The following SLC4A10 variants were observed in gnomAD, a reference collection of about 807,000 sequenced individuals.
The protein encoded by SLC4A10 is solute carrier family 4 member 10.
SLC4A10 carries 42 observed loss-of-function variants against 137.7 expected under a neutral mutation model. That is an observed-to-expected ratio of 0.30 (90% CI 0.24 to 0.39). The LOEUF is 0.39. SLC4A10 is among the 10% of genes least tolerant of loss of function. The probability of loss-of-function intolerance (pLI) is 1.00; values close to 1 mark genes in which losing one functional copy is unlikely to be tolerated. For missense variants in SLC4A10, 925 were observed against 1,355.0 expected (o/e 0.68, Z 4.98); for synonymous variants, 474 against 464.1 (o/e 1.02, Z -0.27).
chr2:161,872,226 A>G (rs897734233), intron 6 of SLC4A10, 67 bp from the exon 7 acceptor site: 13 of 1,232,152 alleles, frequency 1.1e-5, no homozygotes, highest in Admixed American at 1.8e-5. Flanking sequence ...TGAAGTGCCT[A>G]TTTCACTCAG....
intron 26 of SLC4A10, among the ~76,000 whole-genome samples, chr2:161,978,848 T>G (rs1288391350): frequency 6.6e-6 from 1 of 152,218 alleles, no homozygotes; most frequent in Non-Finnish European, 1.5e-5. Context: ...TTCATGTATT[T>G]CTTTGCTTGG....
At chr2:161,862,399 C>T (rs2060481454) in intron 5 of SLC4A10, among the ~76,000 whole-genome samples, 1 of 151,964 alleles carries the variant, frequency 6.6e-6, no homozygotes, top group South Asian at 2.1e-4. Flanking sequence ...GGAAATTAGT[C>T]TGTACTAGAA....
intron 15 of SLC4A10, among the ~76,000 whole-genome samples, chr2:161,924,792 AAC>A (rs2105537414): frequency 6.6e-6 from 1 of 152,328 alleles, no homozygotes; most frequent in Non-Finnish European, 1.5e-5. Flanking sequence ...GGAATGGAGT[AAC>A]ACATGCCATT....
chr2:161,713,450 A>G (rs574999436), intron 1 of SLC4A10, among the ~76,000 whole-genome samples: 206 of 151,906 alleles, frequency 1.4e-3, no homozygotes, highest in African/African-American at 3.9e-3. Flanking sequence ...ATTTTCTATC[A>G]AAATTGCACA....
intron 1 of SLC4A10, among the ~76,000 whole-genome samples, chr2:161,685,212 A>G (rs2041253780): frequency 6.6e-6 from 1 of 152,164 alleles, no homozygotes; most frequent in Non-Finnish European, 1.5e-5. Flanking sequence ...AGCTGCTACC[A>G]TTTATTATTT....
intron 1 of SLC4A10, among the ~76,000 whole-genome samples, chr2:161,720,318 T>A (rs2045500709): frequency 6.6e-6 from 1 of 152,220 alleles, no homozygotes; most frequent in African/African-American, 2.4e-5. Flanking sequence ...TAGTTTGAAG[T>A]CAGGTAGCGT....
chr2:161,828,053 G>A (rs1465756725), intron 3 of SLC4A10, among the ~76,000 whole-genome samples: 2 of 152,114 alleles, frequency 1.3e-5, no homozygotes, highest in Non-Finnish European at 2.9e-5. Context: ...TTGGTCCCCA[G>A]CTCTCCAGTG....
Position 161,643,301 on chromosome 2 carries a change from C to T in SLC4A10, c.48+18735C>T, listed in dbSNP as rs188299367. ...GCCAAAAGGGTTTTACTTTTTATTGCTGCAGTTTGGATATTAGCATTTGAA... is the reference window on the plus strand; with the variant it reads ...GCCAAAAGGGTTTTACTTTTTATTGTTGCAGTTTGGATATTAGCATTTGAA... On this transcript the variant is annotated intron_variant, in intron 1 of 26. Coordinates refer to ENST00000446997, the MANE Select transcript of SLC4A10 (RefSeq NM_001178015.2). 5.3e-5 allele frequency among the ~76,000 whole-genome samples: 8 copies of T among 152,160 alleles called. No homozygotes were observed. In the East Asian group the frequency reaches 9.6e-4, roughly 18 times the overall value.
At chr2:161,883,967 G>A (rs1342527493) in intron 10 of SLC4A10, among the ~76,000 whole-genome samples, 2 of 152,028 alleles carry the variant, frequency 1.3e-5, no homozygotes, top group East Asian at 1.9e-4. Context: ...CACATTCTGC[G>A]GCTCCAGGTT....
At chr2:161,937,400 A>G (rs1244633762) in intron 15 of SLC4A10, among the ~76,000 whole-genome samples, 1 of 151,606 alleles carries the variant, frequency 6.6e-6, no homozygotes, top group Non-Finnish European at 1.5e-5. Context: ...CTCTTCCTCC[A>G]CCCCTTCTGT....
At chr2:161,771,523 G>A (rs753639840) in intron 2 of SLC4A10, among the ~76,000 whole-genome samples, 9 of 151,748 alleles carry the variant, frequency 5.9e-5, no homozygotes, top group African/African-American at 7.3e-5. Context: ...AGTATGGCCC[G>A]GTGGTTAACT....
chr2:161,885,567 C>A (rs886860262), intron 10 of SLC4A10, among the ~76,000 whole-genome samples: 1 of 152,152 alleles, frequency 6.6e-6, no homozygotes, highest in Non-Finnish European at 1.5e-5. Flanking sequence ...TTCTAGACAT[C>A]ATACCAATAT....
chr2:161,968,093 A>G (rs901319432), intron 23 of SLC4A10, among the ~76,000 whole-genome samples: 2 of 152,148 alleles, frequency 1.3e-5, no homozygotes, highest in African/African-American at 4.8e-5. Context: ...ATGAAAAATG[A>G]TATGTAATCT....
intron 15 of SLC4A10, among the ~76,000 whole-genome samples, chr2:161,910,422 G>A (rs956621005): frequency 2.0e-5 from 3 of 152,012 alleles, no homozygotes; most frequent in African/African-American, 4.8e-5. Flanking sequence ...ACAAGTTTAT[G>A]GGAATAATCT....
At chr2:161,855,235 C>T (rs936358848) in intron 5 of SLC4A10, 105 bp downstream of exon 5, 21 of 1,069,564 alleles carry the variant, frequency 2.0e-5, no homozygotes, top group Non-Finnish European at 2.8e-5. Context: ...AACTAATTCT[C>T]ATAATCACTG....
At chr2:161,730,636 G>T (rs965321173) in intron 1 of SLC4A10, among the ~76,000 whole-genome samples, 1 of 152,192 alleles carries the variant, frequency 6.6e-6, no homozygotes, top group Non-Finnish European at 1.5e-5. Flanking sequence ...TCAAACAAAG[G>T]TTAGTTAGGT....
chr2:161,979,938 A>G (rs1035749470), intron 26 of SLC4A10, among the ~76,000 whole-genome samples: 30 of 152,310 alleles, frequency 2.0e-4, no homozygotes, highest in African/African-American at 6.7e-4. Context: ...AAAATATTTT[A>G]TCTCGTTTAA....
intron 10 of SLC4A10, among the ~76,000 whole-genome samples, chr2:161,887,889 T>A (rs1371330022): frequency 2.6e-5 from 4 of 152,260 alleles, no homozygotes; most frequent in Admixed American, 2.0e-4. Flanking sequence ...TATGCCTATG[T>A]CCTGAATGGT....
chr2:161,706,923 C>T (rs566123037), intron 1 of SLC4A10, among the ~76,000 whole-genome samples: 1 of 151,518 alleles, frequency 6.6e-6, no homozygotes, highest in Non-Finnish European at 1.5e-5. Context: ...TTTGATTTAT[C>T]TGCTTTCTGT....
Sources: allele counts gnomAD v4.1 joint callset (sites outside exome capture counted in the v4.1 genomes callset), GRCh38; gene constraint gnomAD v4.1.1; transcripts MANE v1.5; gene names NCBI Gene and HGNC (gene_info 2026-07-23, HGNC 2026-07-21).